The following SHROOM1 variants were observed in gnomAD, a reference collection of about 807,000 sequenced individuals.
SHROOM1 encodes the protein shroom family member 1, also known as protein Shroom1.
SHROOM1 carries 53 observed loss-of-function variants against 64.2 expected under a neutral mutation model. That is an observed-to-expected ratio of 0.83 (90% CI 0.66 to 1.04). The LOEUF (loss-of-function observed/expected upper bound fraction) is 1.04. SHROOM1 is among the 50% of genes least tolerant of loss of function. The probability of loss-of-function intolerance (pLI) is 0.00; values close to 1 mark genes in which losing one functional copy is unlikely to be tolerated. For synonymous variants in SHROOM1, 490 were observed against 518.9 expected (o/e 0.94, Z 0.76); for missense variants, 1,179 against 1,163.2 (o/e 1.01, Z -0.20).
Position 132,824,413 on chromosome 5 carries a change from A to G in SHROOM1, c.1248T>C (p.His416=). ...CAGTTCCATACGGCTGGTCAGAGGC[A>G]TGGACACTGGAAGCAGAAAAGACAC... ...HASQGPPASV[H]ASDQPYGTGL... is the part of the protein sequence containing the mutation. The change falls in exon 7 of 10, where the codon CAT becomes CAC. Residue 416 remains histidine (H), a synonymous_variant. Coordinates refer to ENST00000378679, the MANE Select transcript of SHROOM1 (RefSeq NM_001172700.2). 6.5e-7 allele frequency: 1 copy of G among 1,533,572 alleles called. No individual in the cohort carries two copies. Among genetic ancestry groups the G allele is most frequent in the East Asian group, 2.3e-5 (1 of 44,278 alleles). 95.0% of individuals were successfully genotyped at this position (1,533,572 alleles called of 1,614,324 possible).
In SHROOM1 at chr5:132,822,526, G is replaced by T; in HGVS notation, c.*270C>A. 3.1e-6 allele frequency: 1 copy of T among 321,636 alleles called. No individual in the cohort carries two copies. 19.9% of individuals were successfully genotyped at this position (321,636 alleles called of 1,614,324 possible). A position where few individuals can be genotyped will look rare whatever the true frequency, so the allele number is the denominator to read the frequency against. ...ATACAGGCACCCGCCACCACGCCCG[G>T]CTAATTTTTTATATTTTTAGTAGAG... On this transcript the variant is annotated 3_prime_UTR_variant, in exon 10 of 10. Transcript: ENST00000378679.
Position 132,823,539 on chromosome 5 carries a change from A to T in SHROOM1, c.1954-17T>A. The T allele has an allele frequency of 2.5e-6, 4 of 1,587,648 alleles. No homozygotes were observed. Among genetic ancestry groups the T allele is most frequent in the Non-Finnish European group, 3.4e-6 (4 of 1,162,976 alleles). ...CAGCTCCACCTACAGGGAAGGCTCA[A>T]GGCTGGGGCCAGGCTCATGACTTCC... On this transcript the variant is annotated splice_polypyrimidine_tract_variant and intron_variant, in intron 8 of 9. Coordinates refer to ENST00000378679, the MANE Select transcript of SHROOM1 (RefSeq NM_001172700.2). The surrounding 1 kb of genome is among the most constrained non-coding windows in gnomAD (Gnocchi z 4.6).
chr5:132,825,372 G>C lies in SHROOM1; in HGVS notation c.769C>G (p.Pro257Ala), dbSNP rs755484079. 1.9e-6 allele frequency: 3 copies of C among 1,598,318 alleles called. No individual in the cohort carries two copies. Among genetic ancestry groups the C allele is most frequent in the Non-Finnish European group, 2.5e-6 (3 of 1,178,788 alleles). The stretch of plus-strand genomic sequence containing the variant: ...AGCGCCGGATGCTGGAACTCCAAGG[G>C]CTCGGGCCCAGGGAGGCCAGAGCTG... ...CSSSGLPGPE[P>A]LEFQHPALAK... Residue 257 changes from proline to alanine, a missense_variant, in exon 4 of 10, where the codon CCC (proline) becomes GCC (alanine). By Grantham distance (27) the Pro-to-Ala change is conservative. Transcript: ENST00000378679. This position sits in a 1 kb window ranked among gnomAD's most constrained non-coding sequence, Gnocchi z 5.1.
rs1225588173 is a variant in SHROOM1, at chr5:132,824,549, T to A, written c.1241+66A>T. 2.6e-6 allele frequency: 4 copies of A among 1,546,922 alleles called. No homozygotes were observed. In the African/African-American group the frequency reaches 4.1e-5, roughly 16 times the overall value. ...CCAGCTAGGAGAGCATTCCCACCCC[T>A]CTAGCGTTTTGTAGATGTGTGTGTC... On this transcript the variant is annotated intron_variant, in intron 6 of 9. Coordinates refer to ENST00000378679, the MANE Select transcript of SHROOM1 (RefSeq NM_001172700.2).
chr5:132,824,052 A>G lies in SHROOM1; in HGVS notation c.1609T>C (p.Trp537Arg). Residue 537 changes from tryptophan (W) to arginine (R), a missense_variant, in exon 7 of 10, where the codon TGG (tryptophan) becomes CGG (arginine). Transcript: ENST00000378679. Reference sequence around the variant, plus strand: ...AGCTCCTCGAGGCACTGACTAGGCCATGTGGGCCTGGAACCAGGCTGGCCA... The same window carrying G: ...AGCTCCTCGAGGCACTGACTAGGCCGTGTGGGCCTGGAACCAGGCTGGCCA... ...GTGQPGSRPT[W>R]PSQCLEELVQ... 1 of 1,611,522 alleles carries G rather than the reference A, an allele frequency of 6.2e-7. No homozygotes were observed. Among genetic ancestry groups the G allele is most frequent in the Non-Finnish European group, 8.5e-7 (1 of 1,178,502 alleles).
chr5:132,828,794 C>T (rs1238580599), intron 1 of SHROOM1, among the ~76,000 whole-genome samples: 1 of 152,240 alleles, frequency 6.6e-6, no homozygotes, highest in African/African-American at 2.4e-5. Context: ...GATGCTTTTG[C>T]ACTGGTGGCC....
intron 1 of SHROOM1, chr5:132,829,889 C>T: frequency 2.0e-6 from 2 of 985,470 alleles, no homozygotes; most frequent in Non-Finnish European, 2.4e-6. Flanking sequence ...TCCGAGTGTG[C>T]GACTGGTTTA....
In SHROOM1 at chr5:132,822,199, C is replaced by G. The variant is rs532805591; in HGVS notation, c.*597G>C. The G allele has an allele frequency of 2.0e-5, 3 of 152,356 alleles. No individual in the cohort carries two copies. The highest frequency in any genetic ancestry group is 7.2e-5 in the African/African-American group (3 of 41,548). The allele number at this position is 152,356 out of a possible 1,614,324, so 9.4% of individuals were successfully genotyped here. On this transcript the variant is annotated 3_prime_UTR_variant, in exon 10 of 10. Coordinates refer to ENST00000378679, the MANE Select transcript of SHROOM1 (RefSeq NM_001172700.2). ...GCTGCTTTGCACCTTAAGTGCTCCT[C>G]TGTCTTCTCTCCTCCCTCCAACCAA...
Position 132,822,351 on chromosome 5 carries a change from C to CTTTTTTTTTTTTTTTTTTTTTTTT in SHROOM1, c.*421_*444dup, listed in dbSNP as rs34378204. 1 of 58,642 alleles carries CTTTTTTTTTTTTTTTTTTTTTTTT rather than the reference C, an allele frequency of 1.7e-5. No homozygotes were observed. The highest frequency in any genetic ancestry group is 3.0e-5 in the Non-Finnish European group (1 of 33,844). The allele number at this position is 58,642 out of a possible 1,614,324, so 3.6% of individuals were successfully genotyped here. The stretch of plus-strand genomic sequence containing the variant: ...ACATGAGAACACTTTGGAGAAGTAT[C>CTTTTTTTTTTTTTTTTTTTTTTTT]TTTTTTTTTTTTTTTTTTTTTTTTT... On this transcript the variant is annotated 3_prime_UTR_variant, in exon 10 of 10. Coordinates refer to ENST00000378679, the MANE Select transcript of SHROOM1 (RefSeq NM_001172700.2).
rs376968815 is a variant in SHROOM1 at position 132,824,579 on chromosome 5, G to A, written c.1241+36C>T. On this transcript the variant is annotated intron_variant, in intron 6 of 9. Coordinates refer to ENST00000378679, the MANE Select transcript of SHROOM1 (RefSeq NM_001172700.2). ...CGTTTTGTAGATGTGTGTGTCAGGG[G>A]GTGCCTCACGATGCTTGGAAGCAAG... 4.4e-6 allele frequency: 7 copies of A among 1,582,532 alleles called. No homozygotes were observed. The African/African-American group carries it at 9.4e-5, about 21-fold the overall frequency.
At position 132,825,526 on chromosome 5, in the gene SHROOM1, C is replaced by A. The variant is rs750453149; in HGVS notation, c.615G>T (p.Ala205=). The change falls in exon 4 of 10, where the codon GCG becomes GCT. Residue 205 remains alanine, a synonymous_variant. Transcript: ENST00000378679. This position sits in a 1 kb window ranked among gnomAD's most constrained non-coding sequence, Gnocchi z 5.1. ...GGGGACCCCGGCCGGCAGTTCCTGG[C>A]GCGGGAGCCCGGGAGCGCGCCGGCT... The part of the protein sequence containing the change: ...EGEPARSRAP[A]PGTAGRGPLA... The A allele has an allele frequency of 8.2e-6, 12 of 1,462,016 alleles. No homozygotes were observed. In the South Asian group the frequency reaches 1.1e-4, roughly 14 times the overall value. The allele number at this position is 1,462,016 out of a possible 1,614,324, so 90.6% of individuals were successfully genotyped here. A position where few individuals can be genotyped will look rare whatever the true frequency, so the allele number is the denominator to read the frequency against.
In SHROOM1 at chr5:132,825,729, T is replaced by C; in HGVS notation, c.412A>G (p.Arg138Gly). The change falls in exon 4 of 10, where the codon AGG becomes GGG. Residue 138 changes from arginine (R) to glycine (G), a missense_variant. Arg to Gly is a moderately radical substitution (Grantham distance 125). Coordinates refer to ENST00000378679, the MANE Select transcript of SHROOM1 (RefSeq NM_001172700.2). This position sits in a 1 kb window ranked among gnomAD's most constrained non-coding sequence, Gnocchi z 5.1. ...AAEPPSPPAS[R>G]AAYRQRLQGA... ...TGAAGCCGCTGGCGGTAGGCGGCCCTCGAGGCCGGCGGGCTGGGCGGCTCG... is the reference window on the plus strand; with the variant it reads ...TGAAGCCGCTGGCGGTAGGCGGCCCCCGAGGCCGGCGGGCTGGGCGGCTCG... 1.6e-6 allele frequency: 2 copies of C among 1,284,116 alleles called. No homozygotes were observed. The highest frequency in any genetic ancestry group is 4.0e-5 in the Admixed American group (1 of 25,130). The allele number at this position is 1,284,116 out of a possible 1,614,324, so 79.5% of individuals were successfully genotyped here.
rs754118427 is a variant in SHROOM1, at chr5:132,824,980, TC to T, written c.1034+37del. On this transcript the variant is annotated intron_variant, in intron 5 of 9. Transcript: ENST00000378679. ...TTGGGCAAAAGCTATGCAAGCTGCT[TC>T]CCCCCAACTTGGTCCAGAGTGGTCC... The T allele has an allele frequency of 2.5e-6, 4 of 1,610,628 alleles. No homozygotes were observed. In the South Asian group the frequency reaches 3.3e-5, roughly 13 times the overall value.
At position 132,824,034 on chromosome 5, in the gene SHROOM1, C is replaced by G. The variant is rs368322209; in HGVS notation, c.1627G>C (p.Glu543Gln). 5 of 1,608,170 alleles carry G rather than the reference C, an allele frequency of 3.1e-6. No homozygotes were observed. Among genetic ancestry groups the G allele is most frequent in the Admixed American group, 3.3e-5 (2 of 59,708 alleles). The change falls in exon 7 of 10, where the codon GAG becomes CAG. Residue 543 changes from glutamate to glutamine, a missense_variant. Glu to Gln is a conservative substitution (Grantham distance 29). Transcript: ENST00000378679. ...CTGGCCAGCTCCTGAACCAGCTCCT[C>G]GAGGCACTGACTAGGCCATGTGGGC... Reference protein sequence around the residue: ...SRPTWPSQCLEELVQELARLD... With the variant: ...SRPTWPSQCLQELVQELARLD...
chr5:132,825,954 C>A lies in SHROOM1; in HGVS notation c.187G>T (p.Val63Leu). 1 of 1,454,850 alleles carries A rather than the reference C, an allele frequency of 6.9e-7. No individual in the cohort carries two copies. The highest frequency in any genetic ancestry group is 2.7e-5 in the Admixed American group (1 of 37,618). 90.1% of individuals were successfully genotyped at this position (1,454,850 alleles called of 1,614,324 possible). A position where few individuals can be genotyped will look rare whatever the true frequency, so the allele number is the denominator to read the frequency against. The change falls in exon 4 of 10, where the codon GTG (valine) becomes TTG (leucine). Residue 63 changes from valine to leucine, a missense_variant. Coordinates refer to ENST00000378679, the MANE Select transcript of SHROOM1 (RefSeq NM_001172700.2). The surrounding 1 kb of genome is among the most constrained non-coding windows in gnomAD (Gnocchi z 5.1). The part of the protein sequence containing the change: ...DLLPYLDWDY[V>L]RVVWGGPGPA... Reference sequence around the variant, plus strand: ...CCCGGGCCGCCCCAAACCACACGCACGTAGTCCCAGTCTAGGTAAGGAAGG... The same window carrying A: ...CCCGGGCCGCCCCAAACCACACGCAAGTAGTCCCAGTCTAGGTAAGGAAGG...
intron 2 of SHROOM1, among the ~76,000 whole-genome samples, chr5:132,826,997 C>A (rs1561452837): frequency 6.6e-6 from 1 of 152,208 alleles, no homozygotes; most frequent in Non-Finnish European, 1.5e-5. Context: ...GGAAAGTCAC[C>A]CCTACCTCCC....
In SHROOM1 at chr5:132,824,051, C is replaced by A. The variant is rs906744669; in HGVS notation, c.1610G>T (p.Trp537Leu). The change falls in exon 7 of 10, where the codon TGG becomes TTG. Residue 537 changes from tryptophan (W) to leucine (L), a missense_variant. Coordinates refer to ENST00000378679, the MANE Select transcript of SHROOM1 (RefSeq NM_001172700.2). ...GTGQPGSRPT[W>L]PSQCLEELVQ... ...CAGCTCCTCGAGGCACTGACTAGGC[C>A]ATGTGGGCCTGGAACCAGGCTGGCC... The A allele has an allele frequency of 6.8e-6, 11 of 1,611,246 alleles. No homozygotes were observed. Among genetic ancestry groups the A allele is most frequent in the Non-Finnish European group, 9.3e-6 (11 of 1,178,366 alleles).
At chr5:132,828,023 C>G (rs749133466) in intron 1 of SHROOM1, among the ~76,000 whole-genome samples, 14 of 152,114 alleles carry the variant, frequency 9.2e-5, no homozygotes, top group Non-Finnish European at 1.6e-4. Flanking sequence ...TCCCTATGAA[C>G]TATGGAGACT....
At chr5:132,828,855 C>G (rs921623817) in intron 1 of SHROOM1, among the ~76,000 whole-genome samples, 2 of 152,240 alleles carry the variant, frequency 1.3e-5, no homozygotes, top group Non-Finnish European at 2.9e-5. Flanking sequence ...CTTTGCAGAA[C>G]CTACCATGCC....
Sources: gnomAD v4.1 joint callset for allele counts (sites outside exome capture counted in the v4.1 genomes callset) on GRCh38, gnomAD v4.1.1 for gene constraint, Gnocchi (gnomAD v3.1) non-coding constraint, MANE v1.5 for transcripts, NCBI Gene and HGNC (gene_info 2026-07-23, HGNC 2026-07-21) for gene names.